ST3GAL3: variants seen among roughly 807,000 people sequenced by gnomAD.
ST3GAL3 encodes ST3 beta-galactoside alpha-2,3-sialyltransferase 3.
ST3GAL3 carries 21 observed loss-of-function variants against 50.1 expected under a neutral mutation model. The observed-to-expected ratio is 0.42, with a 90% CI of 0.30 to 0.60. ST3GAL3 has a LOEUF of 0.60. Ranked by LOEUF, ST3GAL3 falls within the 20% of genes least tolerant of loss-of-function variation. ST3GAL3 has a pLI of 0.19. For synonymous variants in ST3GAL3, 183 were observed against 190.0 expected (o/e 0.96, Z 0.30); for missense variants, 353 against 489.4 (o/e 0.72, Z 2.63).
At position 43,899,073 on chromosome 1, in the gene ST3GAL3, C is replaced by A; in HGVS notation, c.462-95C>A. On this transcript the variant is annotated intron_variant, in intron 7 of 11. Coordinates refer to ENST00000347631, the MANE Select transcript of ST3GAL3 (RefSeq NM_006279.5). This position sits in a 1 kb window ranked among gnomAD's most constrained non-coding sequence, Gnocchi z 5.4. ...TCTTCTTCCTCTATCCCAGCCTGGT[C>A]CTGGACAAGGGCGTGGGGTCAAGGG... The A allele has an allele frequency of 6.4e-7, 1 of 1,571,106 alleles. No individual in the cohort carries two copies. Among genetic ancestry groups the A allele is most frequent in the South Asian group, 1.1e-5 (1 of 88,662 alleles).
At chr1:43,832,220 C>T (rs1407873295) in intron 4 of ST3GAL3, among the ~76,000 whole-genome samples, 1 of 152,146 alleles carries the variant, frequency 6.6e-6, no homozygotes, top group Non-Finnish European at 1.5e-5. Flanking sequence ...ACAAATGTAA[C>T]CTGGAGTTAA....
intron 6 of ST3GAL3, among the ~76,000 whole-genome samples, chr1:43,895,173 C>G (rs1442310306): frequency 2.6e-5 from 4 of 152,078 alleles, no homozygotes; most frequent in South Asian, 2.1e-4. Flanking sequence ...AGACTGTCCC[C>G]CAGGAGTGCC....
At chr1:43,877,340 T>C (rs1319506822) in intron 5 of ST3GAL3, among the ~76,000 whole-genome samples, 1 of 152,096 alleles carries the variant, frequency 6.6e-6, no homozygotes, top group Non-Finnish European at 1.5e-5. Context: ...GCCACGTGGG[T>C]GCAGGGTCTT....
chr1:43,769,126 T>C (rs1257136441), intron 2 of ST3GAL3, among the ~76,000 whole-genome samples: 1 of 152,192 alleles, frequency 6.6e-6, no homozygotes, highest in Non-Finnish European at 1.5e-5. Flanking sequence ...TTAATCACAT[T>C]CATAGGTTAA....
chr1:43,763,413 A>G (rs1044178975), intron 2 of ST3GAL3, among the ~76,000 whole-genome samples: 2 of 152,024 alleles, frequency 1.3e-5, no homozygotes, highest in Admixed American at 1.3e-4. Flanking sequence ...TATGAGTTCT[A>G]GTATTCTGTT....
chr1:43,801,191 C>A lies in ST3GAL3; in HGVS notation c.166+9042C>A, dbSNP rs149406444. 206 of 443,340 alleles carry A rather than the reference C, an allele frequency of 4.6e-4. 1 individual carries two copies. Among genetic ancestry groups the A allele is most frequent in the African/African-American group, 4.0e-3 (198 of 49,848 alleles). The allele number at this position is 443,340 out of a possible 1,614,324, so 27.5% of individuals were successfully genotyped here. A position where few individuals can be genotyped will look rare whatever the true frequency, so the allele number is the denominator to read the frequency against. On this transcript the variant is annotated intron_variant, in intron 3 of 11. Transcript: ENST00000347631. ...CCCATAAAATACCAAACTTTATATA[C>A]CTCAATAATGCTCCTTAAATTGGTG...
intron 4 of ST3GAL3, among the ~76,000 whole-genome samples, chr1:43,817,585 CCTT>C (rs2061479364): frequency 3.9e-5 from 1 of 25,664 alleles, no homozygotes; most frequent in African/African-American, 2.0e-4. Context: ...TCCTTCTCCT[CCTT>C]CTCCTCCTCC....
chr1:43,903,238 G>A (rs1235611978), intron 9 of ST3GAL3, among the ~76,000 whole-genome samples: 1 of 152,206 alleles, frequency 6.6e-6, no homozygotes, highest in African/African-American at 2.4e-5. Context: ...TCCTCTTCCT[G>A]GTATTGGATG....
At chr1:43,771,034 C>T (rs1159523752) in intron 2 of ST3GAL3, among the ~76,000 whole-genome samples, 1 of 152,272 alleles carries the variant, frequency 6.6e-6, no homozygotes, top group East Asian at 1.9e-4. Flanking sequence ...CTTTGCATGC[C>T]TTACCTTCCT....
At chr1:43,781,463 TAGCC>T (rs2154142566) in intron 2 of ST3GAL3, among the ~76,000 whole-genome samples, 1 of 151,986 alleles carries the variant, frequency 6.6e-6, no homozygotes, top group South Asian at 2.1e-4. Flanking sequence ...CACAAAAAAT[TAGCC>T]AGGCATGGTG....
intron 2 of ST3GAL3, among the ~76,000 whole-genome samples, chr1:43,757,195 G>A (rs191551303): frequency 6.6e-6 from 1 of 152,130 alleles, no homozygotes; most frequent in East Asian, 1.9e-4. Flanking sequence ...ATGAAGCACC[G>A]CACCTGGCCC....
At chr1:43,841,023 A>G (rs140346054) in intron 5 of ST3GAL3, 53 of 152,382 alleles carry the variant, frequency 3.5e-4, no homozygotes, top group African/African-American at 1.2e-3. Flanking sequence ...AAGCTCCAAA[A>G]TTATCTCTTT....
At chr1:43,888,209 T>C (rs1393818232) in intron 5 of ST3GAL3, among the ~76,000 whole-genome samples, 2 of 152,168 alleles carry the variant, frequency 1.3e-5, no homozygotes, top group Admixed American at 1.3e-4. Flanking sequence ...GAGATTTAAA[T>C]GTAAAACATG....
chr1:43,715,987 T>C (rs578092788), intron 1 of ST3GAL3, among the ~76,000 whole-genome samples: 1 of 152,260 alleles, frequency 6.6e-6, no homozygotes, highest in Non-Finnish European at 1.5e-5. Flanking sequence ...CCCTTGAGGG[T>C]CCTTGGACTA....
At chr1:43,820,970 A>G (rs2062017707) in intron 4 of ST3GAL3, among the ~76,000 whole-genome samples, 1 of 152,232 alleles carries the variant, frequency 6.6e-6, no homozygotes, top group Admixed American at 6.5e-5. Flanking sequence ...TAGCAGGGAT[A>G]TAGCCCAAAA....
chr1:43,833,759 T>C (rs1410003410), intron 4 of ST3GAL3, among the ~76,000 whole-genome samples: 2 of 152,086 alleles, frequency 1.3e-5, no homozygotes, highest in African/African-American at 4.8e-5. Context: ...CAAGTGAAGA[T>C]GAAGGTCTGC....
chr1:43,773,027 G>A (rs1013358777), intron 2 of ST3GAL3, among the ~76,000 whole-genome samples: 4 of 152,178 alleles, frequency 2.6e-5, no homozygotes, highest in African/African-American at 7.2e-5. Context: ...GATTCTAGGC[G>A]TGAGCCACCT....
At chr1:43,765,757 G>GTC (rs1692374602) in intron 2 of ST3GAL3, among the ~76,000 whole-genome samples, 1 of 75,760 alleles carries the variant, frequency 1.3e-5, no homozygotes, top group Non-Finnish European at 2.8e-5. Context: ...GTGTGTCTGT[G>GTC]TGTGTGTGTG....
chr1:43,795,095 T>C (rs545127712), intron 3 of ST3GAL3, among the ~76,000 whole-genome samples: 2 of 152,166 alleles, frequency 1.3e-5, no homozygotes, highest in Admixed American at 1.3e-4. Flanking sequence ...AAATGTAAAA[T>C]ATAGCAAATA....
Sources: allele counts gnomAD v4.1 joint callset (sites outside exome capture counted in the v4.1 genomes callset), GRCh38; gene constraint gnomAD v4.1.1; non-coding constraint Gnocchi (gnomAD v3.1); transcripts MANE v1.5; gene names NCBI Gene and HGNC (gene_info 2026-07-23, HGNC 2026-07-21).